Variants in RBFOX1 observed in about 807,000 individuals in gnomAD.
RBFOX1 encodes the protein RNA binding fox-1 homolog 1, also known as RNA binding protein fox-1 homolog 1.
Under a neutral mutation model 57.7 loss-of-function variants are expected in RBFOX1, and 8 were observed. The ratio of observed to expected loss-of-function variants is 0.14; its 90% CI spans 0.08 to 0.25. The LOEUF (loss-of-function observed/expected upper bound fraction) is 0.25, where lower values mean the gene tolerates loss of function less well. Ranked by LOEUF, RBFOX1 falls within the 10% of genes least tolerant of loss-of-function variation. The pLI is 1.00. For missense variants in RBFOX1, 611 were observed against 548.5 expected (o/e 1.11, Z -1.14); for synonymous variants, 326 against 222.4 (o/e 1.47, Z -4.15).
rs79452082 is a variant in RBFOX1 at position 6,792,308 on chromosome 16, C to T, written c.-16+137658C>T. Among the ~76,000 whole-genome samples, 531 of 152,252 alleles carry T rather than the reference C, an allele frequency of 3.5e-3. 2 individuals are homozygous for T. Among genetic ancestry groups the T allele is most frequent in the African/African-American group, 0.012 (492 of 41,538 alleles). On this transcript the variant is annotated intron_variant, in intron 3 of 15. Transcript: ENST00000550418. The stretch of plus-strand genomic sequence containing the variant: ...TACATCTAAAGTTTGGAAAACGTTG[C>T]TCAGGATGATCCCTAAGGACGCTTT...
chr16:6,856,009 C>A (rs998928002), intron 3 of RBFOX1, among the ~76,000 whole-genome samples: 1 of 152,034 alleles, frequency 6.6e-6, no homozygotes, highest in Non-Finnish European at 1.5e-5. Context: ...TCCATCTTCC[C>A]TTATATTCTC....
chr16:6,326,300 A>C (rs2082363085), intron 2 of RBFOX1, among the ~76,000 whole-genome samples: 2 of 152,212 alleles, frequency 1.3e-5, no homozygotes, highest in African/African-American at 4.8e-5. Flanking sequence ...GTAAACAAAC[A>C]GATATGGTGC....
chr16:6,942,266 T>A (rs2078672453), intron 3 of RBFOX1, among the ~76,000 whole-genome samples: 1 of 151,996 alleles, frequency 6.6e-6, no homozygotes, highest in African/African-American at 2.4e-5. Flanking sequence ...ACTGACCGAG[T>A]GAGACTCCAT....
chr16:7,349,060 T>C (rs1336847689), intron 4 of RBFOX1, among the ~76,000 whole-genome samples: 1 of 152,142 alleles, frequency 6.6e-6, no homozygotes, highest in African/African-American at 2.4e-5. Flanking sequence ...CATTGAAAAA[T>C]GTGCTAGTTT....
intron 11 of RBFOX1, among the ~76,000 whole-genome samples, chr16:7,641,648 G>T (rs1356790626): frequency 1.3e-5 from 2 of 152,164 alleles, no homozygotes; most frequent in East Asian, 3.9e-4. Flanking sequence ...ATTTCCAGAA[G>T]ATCATTTTTC....
intron 2 of RBFOX1, among the ~76,000 whole-genome samples, chr16:6,408,971 T>C (rs1242075012): frequency 6.6e-6 from 1 of 152,244 alleles, no homozygotes; most frequent in African/African-American, 2.4e-5. Flanking sequence ...GTGATCTCCC[T>C]GAAGGTAGAA....
intron 2 of RBFOX1, among the ~76,000 whole-genome samples, chr16:6,582,154 C>T (rs1011169999): frequency 6.6e-6 from 1 of 152,068 alleles, no homozygotes; most frequent in Non-Finnish European, 1.5e-5. Flanking sequence ...AAAATGGACC[C>T]CTTGTAAATA....
rs1349834673 is a variant in RBFOX1, at chr16:6,908,445, T to G, written c.-15-143612T>G. ...TTCCACTGATACCTCTGGCCTCTGG[T>G]GTGACCTCTTCTAGACTTTCTCCCC... On this transcript the variant is annotated intron_variant, in intron 3 of 15. Coordinates refer to ENST00000550418, the MANE Select transcript of RBFOX1 (RefSeq NM_018723.4). 2.0e-4 allele frequency among the ~76,000 whole-genome samples: 31 copies of G among 152,168 alleles called. 1 individual carries two copies. Among genetic ancestry groups the G allele is most frequent in the Admixed American group, 2.0e-3 (31 of 15,276 alleles).
At chr16:5,363,155 T>G (rs952637934) in intron 1 of RBFOX1, among the ~76,000 whole-genome samples, 1 of 149,794 alleles carries the variant, frequency 6.7e-6, no homozygotes. Flanking sequence ...TGCTTCAGCC[T>G]CCTGAGTAGC....
intron 1 of RBFOX1, among the ~76,000 whole-genome samples, chr16:5,346,071 A>C (rs1273412976): frequency 6.6e-6 from 1 of 152,228 alleles, no homozygotes; most frequent in East Asian, 1.9e-4. Context: ...TTTGCCTTCC[A>C]GCAGCCCACT....
At chr16:7,532,809 A>G (rs151074414) in intron 5 of RBFOX1, among the ~76,000 whole-genome samples, 135 of 152,328 alleles carry the variant, frequency 8.9e-4, no homozygotes, top group East Asian at 1.2e-3. Context: ...TAATTGTGAC[A>G]GAGCTCGATG....
At chr16:6,573,557 C>G (rs896045346) in intron 2 of RBFOX1, among the ~76,000 whole-genome samples, 1 of 152,218 alleles carries the variant, frequency 6.6e-6, no homozygotes, top group African/African-American at 2.4e-5. Context: ...CCCCATCCAT[C>G]TTATTTTGAT....
At chr16:5,258,281 A>T (rs2062640794) in intron 1 of RBFOX1, among the ~76,000 whole-genome samples, 1 of 152,200 alleles carries the variant, frequency 6.6e-6, no homozygotes, top group African/African-American at 2.4e-5. Context: ...TAAGTATAAA[A>T]ACTATTAACG....
intron 3 of RBFOX1, among the ~76,000 whole-genome samples, chr16:5,691,669 G>T (rs895078922): frequency 6.2e-4 from 94 of 152,340 alleles, no homozygotes; most frequent in African/African-American, 2.0e-3. Context: ...TGCTCAAGGA[G>T]TTTCAGATTT....
chr16:5,878,935 A>G (rs755593521), intron 4 of RBFOX1, among the ~76,000 whole-genome samples: 40 of 152,346 alleles, frequency 2.6e-4, no homozygotes, highest in Admixed American at 1.2e-3. Flanking sequence ...ATATTAATTA[A>G]TACTCAAACA....
At chr16:5,831,633 G>T (rs1007071615) in intron 3 of RBFOX1, among the ~76,000 whole-genome samples, 1 of 151,896 alleles carries the variant, frequency 6.6e-6, no homozygotes, top group Non-Finnish European at 1.5e-5. Flanking sequence ...GGGGTTACAG[G>T]TGCCCACCAC....
At chr16:6,611,056 A>G (rs764319908) in intron 2 of RBFOX1, among the ~76,000 whole-genome samples, 2 of 152,206 alleles carry the variant, frequency 1.3e-5, no homozygotes, top group Non-Finnish European at 2.9e-5. Flanking sequence ...ATAAGATTTT[A>G]CCATTAAGGC....
chr16:5,721,508 T>C (rs192167887), intron 3 of RBFOX1, among the ~76,000 whole-genome samples: 9 of 152,324 alleles, frequency 5.9e-5, no homozygotes, highest in Admixed American at 2.6e-4. Context: ...TAATGTTGAA[T>C]AGATGAGATG....
intron 4 of RBFOX1, among the ~76,000 whole-genome samples, chr16:7,227,194 A>G (rs1182439673): frequency 6.6e-6 from 1 of 151,858 alleles, no homozygotes; most frequent in Non-Finnish European, 1.5e-5. Flanking sequence ...GCAATGTGTC[A>G]TTCCATTCTT....
Sources: gnomAD v4.1 joint callset for allele counts (sites outside exome capture counted in the v4.1 genomes callset) on GRCh38, gnomAD v4.1.1 for gene constraint, MANE v1.5 for transcripts, NCBI Gene and HGNC (gene_info 2026-07-23, HGNC 2026-07-21) for gene names.